Variants in IQCH observed in about 807,000 individuals in gnomAD.
IQCH encodes IQ motif containing H.
Under a neutral mutation model 117.0 loss-of-function variants are expected in IQCH, and 98 were observed. That is an observed-to-expected ratio of 0.84 (90% CI 0.71 to 0.99). The LOEUF is 0.99. Among genes scored for constraint, IQCH ranks in the 50% least tolerant of loss-of-function variants. IQCH has a pLI of 0.00. For synonymous variants in IQCH, 412 were observed against 448.2 expected (o/e 0.92, Z 1.02); for missense variants, 1,102 against 1,243.8 (o/e 0.89, Z 1.72).
At chr15:67,300,806 C>T (rs1298436248) in intron 4 of IQCH, among the ~76,000 whole-genome samples, 4 of 152,160 alleles carry the variant, frequency 2.6e-5, no homozygotes, top group Admixed American at 2.6e-4. Context: ...CTAAAAGAAA[C>T]CTTAGCCTCC....
At chr15:67,267,286 C>T (rs959444480) in intron 3 of IQCH, among the ~76,000 whole-genome samples, 2 of 152,134 alleles carry the variant, frequency 1.3e-5, no homozygotes, top group African/African-American at 4.8e-5. Flanking sequence ...ATTTGAGAGA[C>T]AACAGGTCTA....
intron 8 of IQCH, among the ~76,000 whole-genome samples, chr15:67,362,302 A>G (rs189876371): frequency 1.3e-3 from 198 of 152,292 alleles, no homozygotes; most frequent in Non-Finnish European, 2.1e-3. Flanking sequence ...ATTTAAAAAA[A>G]AAATCCAAAT....
intron 19 of IQCH, among the ~76,000 whole-genome samples, chr15:67,492,411 A>C (rs954614540): frequency 6.6e-6 from 1 of 152,182 alleles, no homozygotes; most frequent in Non-Finnish European, 1.5e-5. Flanking sequence ...GGGAGAGGTG[A>C]GCTCCCTTCG....
intron 12 of IQCH, among the ~76,000 whole-genome samples, chr15:67,394,849 T>A (rs1971406790): frequency 1.3e-5 from 2 of 152,184 alleles, no homozygotes; most frequent in Admixed American, 6.5e-5. Context: ...TTTTTCCTAC[T>A]CAAGCATTTA....
chr15:67,327,995 A>G lies in IQCH; in HGVS notation c.388-8980A>G, dbSNP rs542993315. ...TTGAATTATAGCCACTCTGCCTCTCATAGTCTGAGAAGTACTTCCAGGCCA... is the reference window on the plus strand; with the variant it reads ...TTGAATTATAGCCACTCTGCCTCTCGTAGTCTGAGAAGTACTTCCAGGCCA... On this transcript the variant is annotated intron_variant, in intron 4 of 20. Transcript: ENST00000335894. 3.9e-5 allele frequency among the ~76,000 whole-genome samples: 6 copies of G among 152,296 alleles called. No homozygotes were observed. The East Asian group carries it at 1.2e-3, about 29-fold the overall frequency.
intron 16 of IQCH, among the ~76,000 whole-genome samples, chr15:67,442,818 A>AGATT (rs2140970350): frequency 5.0e-5 from 1 of 20,152 alleles, no homozygotes; most frequent in East Asian, 1.0e-3. Context: ...AGAAACTGTG[A>AGATT]GATAGATAGA....
chr15:67,315,510 C>A (rs969855721), intron 4 of IQCH, among the ~76,000 whole-genome samples: 4 of 152,008 alleles, frequency 2.6e-5, no homozygotes, highest in Non-Finnish European at 5.9e-5. Context: ...TCACATTAAT[C>A]CCCGTGGAAT....
intron 4 of IQCH, among the ~76,000 whole-genome samples, chr15:67,311,590 A>G (rs1967597619): frequency 6.7e-6 from 1 of 148,434 alleles, no homozygotes; most frequent in Non-Finnish European, 1.5e-5. Flanking sequence ...ATATTTATAT[A>G]ATATATAATG....
At position 67,387,876 on chromosome 15, in the gene IQCH, A is replaced by G. The variant is rs1436411988; in HGVS notation, c.1457-955A>G. ...TGCCAAACTGATCAGAGGAGTCTGA[A>G]GATCCTCTCTTTGCCCTGCTTGCCT... On this transcript the variant is annotated intron_variant, in intron 11 of 20. Transcript: ENST00000335894. The surrounding 1 kb of genome is among the most constrained non-coding windows in gnomAD (Gnocchi z 4.8). 6.6e-6 allele frequency among the ~76,000 whole-genome samples: 1 copy of G among 152,168 alleles called. No homozygotes were observed. The highest frequency in any genetic ancestry group is 1.5e-5 in the Non-Finnish European group (1 of 68,014).
chr15:67,265,177 G>A (rs1196666788), intron 3 of IQCH, among the ~76,000 whole-genome samples: 2 of 152,218 alleles, frequency 1.3e-5, no homozygotes, highest in African/African-American at 4.8e-5. Context: ...TAGATTTTCA[G>A]GTTATGATAG....
intron 4 of IQCH, among the ~76,000 whole-genome samples, chr15:67,334,577 C>G (rs978135840): frequency 6.6e-6 from 1 of 152,206 alleles, no homozygotes; most frequent in African/African-American, 2.4e-5. Flanking sequence ...TTAACTTTGG[C>G]TACGCATCAG....
At chr15:67,402,846 A>G (rs1971719787) in intron 14 of IQCH, among the ~76,000 whole-genome samples, 1 of 152,240 alleles carries the variant, frequency 6.6e-6, no homozygotes. Flanking sequence ...AACAGATTAA[A>G]AACAGTGCTG....
rs955835601 is a variant in IQCH, at chr15:67,443,192, C to T, written c.2505+21615C>T. On this transcript the variant is annotated intron_variant, in intron 16 of 20. Coordinates refer to ENST00000335894, the MANE Select transcript of IQCH (RefSeq NM_001031715.3). This position sits in a 1 kb window ranked among gnomAD's most constrained non-coding sequence, Gnocchi z 5.0. ...TATTTTTAGTAGAGACGGGGTTTCACCGTGTTAACCAGGATGGTCTCGATC... is the reference window on the plus strand; with the variant it reads ...TATTTTTAGTAGAGACGGGGTTTCATCGTGTTAACCAGGATGGTCTCGATC... 6.6e-6 allele frequency among the ~76,000 whole-genome samples: 1 copy of T among 152,124 alleles called. No homozygotes were observed.
rs973742104 is a variant in IQCH, at chr15:67,315,514, G to A, written c.388-21461G>A. On this transcript the variant is annotated intron_variant, in intron 4 of 20. Transcript: ENST00000335894. Reference sequence around the variant, plus strand: ...ATTATGTTATATCACATTAATCCCCGTGGAATGAGTGATATTATCTCCATC... The same window carrying A: ...ATTATGTTATATCACATTAATCCCCATGGAATGAGTGATATTATCTCCATC... Among the ~76,000 whole-genome samples, 9 of 151,996 alleles carry A rather than the reference G, an allele frequency of 5.9e-5. No homozygotes were observed. The South Asian group carries it at 6.2e-4, about 10-fold the overall frequency.
At chr15:67,256,409 C>A (rs943565763) in intron 1 of IQCH, among the ~76,000 whole-genome samples, 14 of 152,154 alleles carry the variant, frequency 9.2e-5, no homozygotes, top group African/African-American at 3.1e-4. Flanking sequence ...ATCTCCAGCC[C>A]CTCCTGAATA....
rs1970331863 is a variant in IQCH at position 67,366,329 on chromosome 15, AAAATG to A, written c.754-5776_754-5772del. On this transcript the variant is annotated intron_variant, in intron 8 of 20. Transcript: ENST00000335894. This position sits in a 1 kb window ranked among gnomAD's most constrained non-coding sequence, Gnocchi z 4.4. ...GAAAAGATGAAATCAATGCAGCAGT[AAAATG>A]AAATGTGTCTCTAGAAGGAAATTTC... Among the ~76,000 whole-genome samples the A allele has an allele frequency of 6.6e-6, 1 of 152,256 alleles. No individual in the cohort carries two copies. The highest frequency in any genetic ancestry group is 1.5e-5 in the Non-Finnish European group (1 of 68,052).
chr15:67,353,302 C>T (rs1348640984), intron 6 of IQCH, among the ~76,000 whole-genome samples: 1 of 150,778 alleles, frequency 6.6e-6, no homozygotes, highest in African/African-American at 2.4e-5. Flanking sequence ...AAAGTAAAAA[C>T]AAAAATGACC....
rs1970438910 is a variant in IQCH at position 67,369,274 on chromosome 15, A to G, written c.754-2837A>G. On this transcript the variant is annotated intron_variant, in intron 8 of 20. Coordinates refer to ENST00000335894, the MANE Select transcript of IQCH (RefSeq NM_001031715.3). This position sits in a 1 kb window ranked among gnomAD's most constrained non-coding sequence, Gnocchi z 5.2. ...TAATTAGTTAGAGCAAGATGCTAAT[A>G]ATTAGGCCACAGGTTTGGGCTTCAT... Among the ~76,000 whole-genome samples the G allele has an allele frequency of 6.6e-6, 1 of 152,232 alleles. No individual in the cohort carries two copies. The highest frequency in any genetic ancestry group is 2.4e-5 in the African/African-American group (1 of 41,452).
chr15:67,481,980 G>A lies in IQCH; in HGVS notation c.2799+6162G>A, dbSNP rs77553770. Among the ~76,000 whole-genome samples, 6 of 152,206 alleles carry A rather than the reference G, an allele frequency of 3.9e-5. No individual in the cohort carries two copies. Among genetic ancestry groups the A allele is most frequent in the Admixed American group, 2.6e-4 (4 of 15,274 alleles). ...TGTGCCTGTAATCCTAGCTGCTCAC[G>A]AGGTTGAGGCAGGAGGACCGCTCAC... On this transcript the variant is annotated intron_variant, in intron 18 of 20. Transcript: ENST00000335894. The surrounding 1 kb of genome is among the most constrained non-coding windows in gnomAD (Gnocchi z 4.1).
Sources: allele counts gnomAD v4.1 joint callset (sites outside exome capture counted in the v4.1 genomes callset), GRCh38; gene constraint gnomAD v4.1.1; non-coding constraint Gnocchi (gnomAD v3.1); transcripts MANE v1.5; gene names NCBI Gene and HGNC (gene_info 2026-07-23, HGNC 2026-07-21).